The following SNTG2 variants were observed in gnomAD, a reference collection of about 807,000 sequenced individuals.
SNTG2 encodes the protein gamma-2-syntrophin.
A neutral mutation model predicts 70.9 loss-of-function variants in SNTG2; 74 were observed. The ratio of observed to expected loss-of-function variants is 1.04; its 90% CI spans 0.86 to 1.27. The LOEUF (loss-of-function observed/expected upper bound fraction) is 1.27. Among genes scored for constraint, SNTG2 ranks in the 50% most tolerant of loss-of-function variants. SNTG2 has a pLI of 0.00. For synonymous variants in SNTG2, 278 were observed against 273.8 expected (o/e 1.02, Z -0.15); for missense variants, 717 against 690.7 (o/e 1.04, Z -0.43).
At chr2:1,285,101 T>C (rs1679714630) in intron 14 of SNTG2, among the ~76,000 whole-genome samples, 1 of 152,050 alleles carries the variant, frequency 6.6e-6, no homozygotes, top group Non-Finnish European at 1.5e-5. Flanking sequence ...AGTCCCATGT[T>C]CAAGGGCAGG....
intron 4 of SNTG2, among the ~76,000 whole-genome samples, chr2:1,112,948 A>G (rs1435219316): frequency 6.7e-6 from 1 of 149,410 alleles, no homozygotes; most frequent in Non-Finnish European, 1.5e-5. Flanking sequence ...TTTAATACTT[A>G]CATTTCATTG....
rs1043343106 is a variant in SNTG2 at position 951,104 on chromosome 2, C to A, written c.72+36C>A. ...CCCCTCAGCGCCCCTTCACCTCCGG[C>A]CCCCCTTCCCTCTCCTTCGCGCCCT... On this transcript the variant is annotated intron_variant, in intron 1 of 16. Transcript: ENST00000308624. 7.4e-6 allele frequency: 8 copies of A among 1,085,404 alleles called. No homozygotes were observed. The South Asian group carries it at 3.1e-4, about 42-fold the overall frequency. 67.2% of individuals were successfully genotyped at this position (1,085,404 alleles called of 1,614,324 possible).
chr2:1,203,661 AAC>A (rs141576727), intron 8 of SNTG2, among the ~76,000 whole-genome samples: 4,368 of 95,566 alleles, frequency 0.046, 67 homozygotes, highest in East Asian at 0.062. Context: ...CTCAAAAACA[AAC>A]AAAAAAAAAA....
intron 14 of SNTG2, among the ~76,000 whole-genome samples, chr2:1,276,581 A>G (rs973060947): frequency 1.3e-5 from 2 of 152,242 alleles, no homozygotes; most frequent in Non-Finnish European, 2.9e-5. Flanking sequence ...ACTCATTGAC[A>G]ATGCAATTGG....
Position 1,026,403 on chromosome 2 carries a change from A to G in SNTG2, c.73-57115A>G, listed in dbSNP as rs553381105. On this transcript the variant is annotated intron_variant, in intron 1 of 16. Transcript: ENST00000308624. ...TAATTCAGAATCTGCTATTCAGTGC[A>G]TAAAGAACTCATTAGAGTTACCAGT... Among the ~76,000 whole-genome samples, 3 of 152,358 alleles carry G rather than the reference A, an allele frequency of 2.0e-5. No homozygotes were observed. In the East Asian group the frequency reaches 5.8e-4, roughly 29 times the overall value.
chr2:1,012,848 G>A (rs1659776674), intron 1 of SNTG2, among the ~76,000 whole-genome samples: 1 of 59,108 alleles, frequency 1.7e-5, no homozygotes, highest in Admixed American at 1.7e-4. Context: ...GGATTTATAT[G>A]GGCAGAGAGA....
chr2:1,324,244 G>A (rs990022670), intron 16 of SNTG2, among the ~76,000 whole-genome samples: 3 of 152,224 alleles, frequency 2.0e-5, no homozygotes, highest in African/African-American at 7.2e-5. Flanking sequence ...AGTTGGGACA[G>A]TGTTGCAGAG....
rs542276076 is a variant in SNTG2, at chr2:1,152,685, G to A, written c.412-12863G>A. Among the ~76,000 whole-genome samples, 51 of 152,276 alleles carry A rather than the reference G, an allele frequency of 3.3e-4. 1 individual carries two copies. Among genetic ancestry groups the A allele is most frequent in the African/African-American group, 1.2e-3 (49 of 41,552 alleles). ...GACCTCAGTCTGCAAACTCCTGAGA[G>A]GATCTGAGCCTTTATCCGGCAGGTA... On this transcript the variant is annotated intron_variant, in intron 6 of 16. Transcript: ENST00000308624.
At chr2:1,315,982 G>A (rs4927633) in intron 15 of SNTG2, among the ~76,000 whole-genome samples, 21,077 of 152,112 alleles carry the variant, frequency 0.14, 1,633 homozygotes, top group South Asian at 0.2. Flanking sequence ...TGCAGGTGAC[G>A]TGGGACTGAG....
chr2:1,008,810 T>G (rs1011015160), intron 1 of SNTG2, among the ~76,000 whole-genome samples: 4 of 152,220 alleles, frequency 2.6e-5, no homozygotes, highest in Non-Finnish European at 5.9e-5. Context: ...TACATATATT[T>G]TAAATTGTTA....
intron 16 of SNTG2, among the ~76,000 whole-genome samples, chr2:1,349,359 C>A (rs903358107): frequency 6.6e-6 from 1 of 152,240 alleles, no homozygotes. Context: ...AGCTACATGA[C>A]TCCTGAGCAG....
intron 15 of SNTG2, among the ~76,000 whole-genome samples, chr2:1,309,619 T>C (rs138499310): frequency 0.014 from 2,122 of 152,374 alleles, 46 homozygotes; most frequent in African/African-American, 0.047. Context: ...CAGGGCCTAC[T>C]GGGCAATAGT....
chr2:1,104,175 G>A (rs944428734), intron 4 of SNTG2, among the ~76,000 whole-genome samples: 10 of 152,184 alleles, frequency 6.6e-5, no homozygotes, highest in African/African-American at 1.9e-4. Flanking sequence ...CTGGGTCATC[G>A]TCCGGTGCTG....
intron 1 of SNTG2, among the ~76,000 whole-genome samples, chr2:1,009,259 C>T (rs1181040880): frequency 3.7e-4 from 43 of 117,776 alleles, no homozygotes; most frequent in Middle Eastern, 5.4e-3. Context: ...ACTGGTGGGT[C>T]GTGTGTATGG....
intron 6 of SNTG2, among the ~76,000 whole-genome samples, chr2:1,142,402 C>T (rs891606859): frequency 4.6e-5 from 7 of 152,218 alleles, no homozygotes; most frequent in Non-Finnish European, 1.0e-4. Context: ...CAGGAGCCAC[C>T]TTCAGTGGTG....
At chr2:1,111,260 G>GA (rs1369983667) in intron 4 of SNTG2, among the ~76,000 whole-genome samples, 1 of 152,200 alleles carries the variant, frequency 6.6e-6, no homozygotes. Flanking sequence ...ACCTCAAAAA[G>GA]AATCACAAGA....
chr2:1,295,054 G>A (rs575969612), intron 14 of SNTG2, among the ~76,000 whole-genome samples: 13 of 152,306 alleles, frequency 8.5e-5, no homozygotes, highest in Admixed American at 2.0e-4. Context: ...TGCCCTGTGC[G>A]CATGGAGTGC....
At chr2:1,190,353 C>T (rs1455264406) in intron 8 of SNTG2, among the ~76,000 whole-genome samples, 1 of 151,296 alleles carries the variant, frequency 6.6e-6, no homozygotes, top group Non-Finnish European at 1.5e-5. Context: ...GTAAATAGTT[C>T]CTACTCTCTA....
At chr2:1,251,407 T>C (rs1329018600) in intron 12 of SNTG2, among the ~76,000 whole-genome samples, 2 of 151,606 alleles carry the variant, frequency 1.3e-5, no homozygotes, top group Admixed American at 6.6e-5. Flanking sequence ...GAAGCTCACA[T>C]AGACCCACAC....
Sources: gnomAD v4.1 joint callset for allele counts (sites outside exome capture counted in the v4.1 genomes callset) on GRCh38, gnomAD v4.1.1 for gene constraint, MANE v1.5 for transcripts, NCBI Gene and HGNC (gene_info 2026-07-23, HGNC 2026-07-21) for gene names.